The following TTC28 variants were observed in gnomAD, a reference collection of about 807,000 sequenced individuals.
TTC28 encodes tetratricopeptide repeat domain 28.
TTC28 carries 61 observed loss-of-function variants against 198.0 expected under a neutral mutation model. The ratio of observed to expected loss-of-function variants is 0.31; its 90% CI spans 0.25 to 0.38. The LOEUF (loss-of-function observed/expected upper bound fraction) is 0.38, where lower values mean the gene tolerates loss of function less well. Among genes scored for constraint, TTC28 ranks in the 10% least tolerant of loss-of-function variants. TTC28 has a pLI of 1.00. For synonymous variants in TTC28, 1,171 were observed against 1,297.8 expected (o/e 0.90, Z 2.10); for missense variants, 2,678 against 3,164.0 (o/e 0.85, Z 3.69).
chr22:28,449,800 G>A (rs1384512482), intron 2 of TTC28, among the ~76,000 whole-genome samples: 2 of 152,162 alleles, frequency 1.3e-5, no homozygotes, highest in Non-Finnish European at 2.9e-5. Flanking sequence ...AAGGAATGAA[G>A]AGGCCTTGAA....
At chr22:28,380,631 T>C (rs2046480195) in intron 2 of TTC28, among the ~76,000 whole-genome samples, 1 of 152,146 alleles carries the variant, frequency 6.6e-6, no homozygotes, top group Non-Finnish European at 1.5e-5. Flanking sequence ...AAGCATGTTT[T>C]TTCTTCTACT....
intron 2 of TTC28, among the ~76,000 whole-genome samples, chr22:28,508,336 T>A (rs1197065419): frequency 6.6e-6 from 1 of 152,182 alleles, no homozygotes; most frequent in African/African-American, 2.4e-5. Context: ...CTGGCTGGAG[T>A]GCAATGGCAG....
chr22:28,191,789 A>G (rs948055283), intron 5 of TTC28, among the ~76,000 whole-genome samples: 56 of 152,188 alleles, frequency 3.7e-4, no homozygotes, highest in African/African-American at 1.3e-3. Flanking sequence ...CAAAGCAGCC[A>G]GGAAGCTCGA....
At chr22:28,275,034 A>G (rs1932334439) in intron 5 of TTC28, among the ~76,000 whole-genome samples, 1 of 151,470 alleles carries the variant, frequency 6.6e-6, no homozygotes, top group Admixed American at 6.6e-5. Flanking sequence ...AATTTGATAG[A>G]GTAGATCAAG....
intron 2 of TTC28, among the ~76,000 whole-genome samples, chr22:28,310,291 G>T (rs1414352574): frequency 6.6e-6 from 1 of 152,132 alleles, no homozygotes; most frequent in East Asian, 1.9e-4. Flanking sequence ...AACTAATGCT[G>T]TAAAATTTCA....
chr22:28,577,614 T>C (rs971044578), intron 2 of TTC28, among the ~76,000 whole-genome samples: 1 of 152,082 alleles, frequency 6.6e-6, no homozygotes, highest in Non-Finnish European at 1.5e-5. Context: ...TCTCTTCAGT[T>C]ATAATATTTT....
At chr22:28,386,304 A>AAAAAAAAAAAAAAAAAAG (rs1569296639) in intron 2 of TTC28, among the ~76,000 whole-genome samples, 2 of 124,102 alleles carry the variant, frequency 1.6e-5, no homozygotes, top group African/African-American at 5.9e-5. Context: ...AAAAAAAAAA[A>AAAAAAAAAAAAAAAAAAG]AAGAAGGCTT....
intron 1 of TTC28, among the ~76,000 whole-genome samples, chr22:28,669,999 C>T (rs984158426): frequency 6.6e-6 from 1 of 151,242 alleles, no homozygotes; most frequent in Admixed American, 6.6e-5. Context: ...GAATACAACT[C>T]TATCAGTATT....
intron 2 of TTC28, among the ~76,000 whole-genome samples, chr22:28,396,298 A>G (rs1299098521): frequency 2.6e-5 from 4 of 152,224 alleles, no homozygotes; most frequent in Middle Eastern, 3.2e-3. Context: ...TCCGTTAGAA[A>G]ATAAGAGCGA....
At chr22:28,567,542 A>G (rs898736919) in intron 2 of TTC28, among the ~76,000 whole-genome samples, 5 of 129,374 alleles carry the variant, frequency 3.9e-5, no homozygotes, top group African/African-American at 1.4e-4. Context: ...GATTCAGAAC[A>G]GCTTGCAATT....
rs563509861 is a variant in TTC28, at chr22:28,211,740, A to C, written c.934-48141T>G. ...AGATCAACGAGACAGAAAGTTAAAAAGGATATCCACGACTTGAACTCAACT... is the reference window on the plus strand; with the variant it reads ...AGATCAACGAGACAGAAAGTTAAAACGGATATCCACGACTTGAACTCAACT... On this transcript the variant is annotated intron_variant, in intron 5 of 22. Transcript: ENST00000397906. Among the ~76,000 whole-genome samples, 4 of 152,258 alleles carry C rather than the reference A, an allele frequency of 2.6e-5. No homozygotes were observed. The South Asian group carries it at 8.3e-4, about 32-fold the overall frequency.
At chr22:28,488,815 C>G (rs1452756386) in intron 2 of TTC28, among the ~76,000 whole-genome samples, 1 of 152,132 alleles carries the variant, frequency 6.6e-6, no homozygotes, top group Non-Finnish European at 1.5e-5. Flanking sequence ...CATTACGATT[C>G]TCACAGATTA....
At chr22:28,542,047 C>A (rs2049424149) in intron 2 of TTC28, among the ~76,000 whole-genome samples, 1 of 152,044 alleles carries the variant, frequency 6.6e-6, no homozygotes. Context: ...TATAATCATG[C>A]CACTGCACTC....
chr22:28,080,631 GC>G (rs1941314162), intron 12 of TTC28, among the ~76,000 whole-genome samples: 1 of 152,054 alleles, frequency 6.6e-6, no homozygotes, highest in Non-Finnish European at 1.5e-5. Context: ...CCATTCATAG[GC>G]TGCCTTTTCA....
At chr22:28,452,015 T>C (rs1257728386) in intron 2 of TTC28, among the ~76,000 whole-genome samples, 2 of 151,918 alleles carry the variant, frequency 1.3e-5, no homozygotes, top group Non-Finnish European at 2.9e-5. Context: ...TATGTGTGTA[T>C]GTGTGTGTGT....
intron 2 of TTC28, among the ~76,000 whole-genome samples, chr22:28,355,578 C>A (rs895989494): frequency 5.9e-5 from 9 of 152,152 alleles, no homozygotes; most frequent in Non-Finnish European, 8.8e-5. Context: ...CACTAATAAA[C>A]AAAAATACAG....
chr22:28,625,004 A>C (rs2051056787), intron 2 of TTC28, among the ~76,000 whole-genome samples: 1 of 152,200 alleles, frequency 6.6e-6, no homozygotes, highest in Admixed American at 6.5e-5. Flanking sequence ...AAAAATTATA[A>C]TTTCAATAGA....
rs373264286 is a variant in TTC28, at chr22:28,629,589, G to A, written c.344C>T (p.Ala115Val). 69 of 1,551,466 alleles carry A rather than the reference G, an allele frequency of 4.4e-5. No homozygotes were observed. The highest frequency in any genetic ancestry group is 1.7e-5 in the Non-Finnish European group (19 of 1,146,966). The change falls in exon 2 of 23, where the codon GCA becomes GTA. Residue 115 changes from alanine to valine, a missense_variant. Ala to Val is a moderately conservative substitution (Grantham distance 64). Coordinates refer to ENST00000397906, the MANE Select transcript of TTC28 (RefSeq NM_001145418.2). ...IQQYDKALDD[A>V]IKARLLNPKW... ...GGGATTGAGAAGTCGAGCTTTGATT[G>A]CATCATCCAGTGCCTTGTCATACTG...
chr22:28,276,125 C>T (rs1932407633), intron 5 of TTC28, among the ~76,000 whole-genome samples: 1 of 152,034 alleles, frequency 6.6e-6, no homozygotes, highest in Non-Finnish European at 1.5e-5. Context: ...GATCTTCCCA[C>T]CTCAGCCTCC....
Sources: gnomAD v4.1 joint callset for allele counts (sites outside exome capture counted in the v4.1 genomes callset) on GRCh38, gnomAD v4.1.1 for gene constraint, MANE v1.5 for transcripts, NCBI Gene and HGNC (gene_info 2026-07-23, HGNC 2026-07-21) for gene names.